Variants in ROBO1 observed in about 807,000 individuals in gnomAD.
ROBO1 encodes the protein roundabout homolog 1.
A neutral mutation model predicts 195.9 loss-of-function variants in ROBO1; 149 were observed. The observed-to-expected ratio is 0.76, with a 90% CI of 0.67 to 0.87. The LOEUF is 0.87. Ranked by LOEUF, ROBO1 falls within the 40% of genes least tolerant of loss-of-function variation. ROBO1 has a pLI of 0.00. For synonymous variants in ROBO1, 816 were observed against 733.2 expected (o/e 1.11, Z -1.82); for missense variants, 1,933 against 2,068.3 (o/e 0.93, Z 1.27).
chr3:79,730,881 C>T (rs375014550), intron 1 of ROBO1, among the ~76,000 whole-genome samples: 14 of 149,574 alleles, frequency 9.4e-5, no homozygotes, highest in Admixed American at 7.5e-4. Flanking sequence ...GGGTTCACGC[C>T]ATTCTCCTGC....
At chr3:79,435,157 A>G (rs995322931) in intron 2 of ROBO1, among the ~76,000 whole-genome samples, 2 of 152,218 alleles carry the variant, frequency 1.3e-5, no homozygotes, top group Non-Finnish European at 2.9e-5. Flanking sequence ...ACACATGTAT[A>G]CATATGTAAC....
chr3:79,058,100 A>C (rs1038528744), intron 3 of ROBO1, among the ~76,000 whole-genome samples: 5 of 152,116 alleles, frequency 3.3e-5, no homozygotes, highest in African/African-American at 7.2e-5. Context: ...GATACCCCAC[A>C]CTTTCAATAT....
chr3:79,731,283 T>G (rs1703138310), intron 1 of ROBO1, among the ~76,000 whole-genome samples: 1 of 152,126 alleles, frequency 6.6e-6, no homozygotes, highest in Admixed American at 6.5e-5. Context: ...ACAAGACAAT[T>G]AATTGTATGG....
intron 3 of ROBO1, among the ~76,000 whole-genome samples, chr3:79,042,968 C>T (rs2078516268): frequency 6.6e-6 from 1 of 152,068 alleles, no homozygotes; most frequent in African/African-American, 2.4e-5. Flanking sequence ...TTTCACCATA[C>T]CCTTAATTTT....
intron 2 of ROBO1, among the ~76,000 whole-genome samples, chr3:79,470,804 G>A (rs958795818): frequency 5.9e-5 from 9 of 152,158 alleles, no homozygotes; most frequent in African/African-American, 9.6e-5. Flanking sequence ...TGAAGCCCCC[G>A]CTGCCATGTG....
chr3:79,569,126 GCACACACACA>G (rs71127393), intron 2 of ROBO1, among the ~76,000 whole-genome samples: 1 of 149,616 alleles, frequency 6.7e-6, no homozygotes, highest in African/African-American at 2.4e-5. Context: ...GTGCACACGC[GCACACACACA>G]CACACACACA....
intron 19 of ROBO1, among the ~76,000 whole-genome samples, chr3:78,648,307 T>C (rs1037815540): frequency 6.6e-6 from 1 of 152,112 alleles, no homozygotes; most frequent in Non-Finnish European, 1.5e-5. Flanking sequence ...TTTTTTATCA[T>C]CATAAAAACT....
chr3:78,995,990 C>T (rs150326685), intron 3 of ROBO1, among the ~76,000 whole-genome samples: 48 of 152,112 alleles, frequency 3.2e-4, no homozygotes, highest in African/African-American at 1.1e-3. Context: ...AGCTCCAATC[C>T]AGCTCCAAAT....
At chr3:79,269,432 C>A (rs1296953922) in intron 2 of ROBO1, among the ~76,000 whole-genome samples, 3 of 151,546 alleles carry the variant, frequency 2.0e-5, no homozygotes, top group Non-Finnish European at 3.0e-5. Flanking sequence ...CATGGTCACA[C>A]AAAATAACTA....
chr3:78,659,890 A>T, intron 16 of ROBO1, 83 bp from the exon 17 acceptor site: 1 of 1,059,016 alleles, frequency 9.4e-7, no homozygotes, highest in Admixed American at 2.7e-5. Context: ...ACCCAATAAT[A>T]GATGTATTAA....
At chr3:79,619,363 T>C (rs1944931060) in intron 1 of ROBO1, among the ~76,000 whole-genome samples, 1 of 152,122 alleles carries the variant, frequency 6.6e-6, no homozygotes, top group Non-Finnish European at 1.5e-5. Context: ...TAGCCTGTGT[T>C]CTCAAGAACT....
At chr3:78,908,799 C>G (rs1240576992) in intron 4 of ROBO1, among the ~76,000 whole-genome samples, 2 of 151,928 alleles carry the variant, frequency 1.3e-5, no homozygotes, top group East Asian at 1.9e-4. Flanking sequence ...TCTGGAGATT[C>G]CTAGAAACCT....
intron 1 of ROBO1, among the ~76,000 whole-genome samples, chr3:79,592,848 A>G (rs1287534019): frequency 6.6e-6 from 1 of 152,070 alleles, no homozygotes; most frequent in Non-Finnish European, 1.5e-5. Flanking sequence ...ATAGTATCAT[A>G]CAGAATAGTT....
At position 78,973,497 on chromosome 3, in the gene ROBO1, CTA is replaced by C. The variant is rs1230599449; in HGVS notation, c.173-34572_173-34571del. Among the ~76,000 whole-genome samples, 161 of 134,514 alleles carry C rather than the reference CTA, an allele frequency of 1.2e-3. 3 individuals are homozygous for C. Among genetic ancestry groups the C allele is most frequent in the Admixed American group, 0.012 (153 of 13,130 alleles). The allele number at this position is 134,514 out of a possible 152,430, so 88.2% of individuals were successfully genotyped here. ...ATATATATATTATATATATAAGAAG[CTA>C]TATATATATTATATATATAAGAAGC... On this transcript the variant is annotated intron_variant, in intron 3 of 30. Coordinates refer to ENST00000464233, the MANE Select transcript of ROBO1 (RefSeq NM_002941.4).
intron 3 of ROBO1, among the ~76,000 whole-genome samples, chr3:78,980,715 T>C (rs1576505913): frequency 6.6e-6 from 1 of 152,122 alleles, no homozygotes; most frequent in Non-Finnish European, 1.5e-5. Flanking sequence ...TGGAACTTAG[T>C]TTCCTAGGTC....
At chr3:79,124,804 T>C (rs2080184345) in intron 3 of ROBO1, among the ~76,000 whole-genome samples, 2 of 152,218 alleles carry the variant, frequency 1.3e-5, no homozygotes, top group Admixed American at 6.5e-5. Flanking sequence ...TATACAATTA[T>C]ATTTAGAACA....
At chr3:79,523,670 C>T (rs1941310750) in intron 2 of ROBO1, among the ~76,000 whole-genome samples, 1 of 151,900 alleles carries the variant, frequency 6.6e-6, no homozygotes, top group Non-Finnish European at 1.5e-5. Context: ...GACGGGGTTT[C>T]ACCATGTTGG....
At chr3:79,654,270 T>A (rs991352529) in intron 1 of ROBO1, among the ~76,000 whole-genome samples, 1 of 151,948 alleles carries the variant, frequency 6.6e-6, no homozygotes, top group Non-Finnish European at 1.5e-5. Flanking sequence ...TACTAGAGCT[T>A]TTGACAAACT....
At chr3:79,536,542 A>C (rs1941870518) in intron 2 of ROBO1, among the ~76,000 whole-genome samples, 1 of 152,160 alleles carries the variant, frequency 6.6e-6, no homozygotes, top group African/African-American at 2.4e-5. Flanking sequence ...TTTATGTATT[A>C]ATTTGATTGC....
Sources: allele counts gnomAD v4.1 joint callset (sites outside exome capture counted in the v4.1 genomes callset), GRCh38; gene constraint gnomAD v4.1.1; transcripts MANE v1.5; gene names NCBI Gene and HGNC (gene_info 2026-07-23, HGNC 2026-07-21).